SLC4A8: variants seen among roughly 807,000 people sequenced by gnomAD.
SLC4A8 encodes electroneutral sodium bicarbonate exchanger 1.
A neutral mutation model predicts 125.0 loss-of-function variants in SLC4A8; 40 were observed. The ratio of observed to expected loss-of-function variants is 0.32; its 90% CI spans 0.25 to 0.42. The LOEUF (loss-of-function observed/expected upper bound fraction) is 0.42. Ranked by LOEUF, SLC4A8 falls within the 10% of genes least tolerant of loss-of-function variation. SLC4A8 has a pLI of 1.00. For missense variants in SLC4A8, 863 were observed against 1,355.1 expected (o/e 0.64, Z 5.70); for synonymous variants, 456 against 476.0 (o/e 0.96, Z 0.55).
chr12:51,446,870 GC>G (rs1017165654), intron 2 of SLC4A8, among the ~76,000 whole-genome samples: 1 of 152,210 alleles, frequency 6.6e-6, no homozygotes, highest in Non-Finnish European at 1.5e-5. Flanking sequence ...GAAACACTGT[GC>G]TTGATTATGT....
rs533707496 is a variant in SLC4A8 at position 51,395,227 on chromosome 12, G to A, written c.-112+3739G>A. ...CCAGAAACCTTGGGTCCAAGGTCCC[G>A]TGCATATTCCTGACTGAAAGTTCCC... On this transcript the variant is annotated intron_variant, in intron 1 of 24. Transcript: ENST00000358657. 3.9e-5 allele frequency among the ~76,000 whole-genome samples: 6 copies of A among 152,260 alleles called. No individual in the cohort carries two copies. The East Asian group carries it at 7.7e-4, about 20-fold the overall frequency.
chr12:51,472,240 T>C (rs1008359079), intron 14 of SLC4A8, among the ~76,000 whole-genome samples: 1 of 152,212 alleles, frequency 6.6e-6, no homozygotes, highest in Non-Finnish European at 1.5e-5. Flanking sequence ...CCTCTTCCCT[T>C]AGCTCTGTAC....
At chr12:51,440,414 T>G (rs1264428167) in intron 1 of SLC4A8, among the ~76,000 whole-genome samples, 2 of 151,696 alleles carry the variant, frequency 1.3e-5, no homozygotes, top group African/African-American at 4.8e-5. Context: ...CTCTCTGTTT[T>G]TTTTTTTTTT....
intron 9 of SLC4A8, chr12:51,461,994 A>AAT (rs1555193704): frequency 5.6e-4 from 115 of 204,646 alleles, no homozygotes; most frequent in South Asian, 9.1e-4. Context: ...GCTGATTAAA[A>AAT]TTTTTTTTTT....
Position 51,440,799 on chromosome 12 carries a change from G to A in SLC4A8, c.130+10G>A. ...AAAGAAGAGCTGGAAGGTAAGAACT[G>A]CCATGCTGTGTGATCAGGGAAATTG... On this transcript the variant is annotated intron_variant, in intron 2 of 24. Coordinates refer to ENST00000453097, the MANE Select transcript of SLC4A8 (RefSeq NM_001039960.3). 1.2e-6 allele frequency: 2 copies of A among 1,601,206 alleles called. No individual in the cohort carries two copies. Among genetic ancestry groups the A allele is most frequent in the Non-Finnish European group, 1.7e-6 (2 of 1,174,974 alleles).
chr12:51,501,209 C>T (rs757178966), intron 22 of SLC4A8, among the ~76,000 whole-genome samples: 1 of 152,206 alleles, frequency 6.6e-6, no homozygotes, highest in African/African-American at 2.4e-5. Context: ...AGGTTTGTTA[C>T]ATGGGTGTAG....
At chr12:51,491,234 AT>A (rs914988826) in intron 19 of SLC4A8, among the ~76,000 whole-genome samples, 1 of 152,110 alleles carries the variant, frequency 6.6e-6, no homozygotes, top group African/African-American at 2.4e-5. Flanking sequence ...TAAAATATAA[AT>A]TTGGGTATAA....
At chr12:51,451,239 C>T (rs1436285631) in intron 3 of SLC4A8, among the ~76,000 whole-genome samples, 4 of 152,160 alleles carry the variant, frequency 2.6e-5, no homozygotes, top group Non-Finnish European at 2.9e-5. Context: ...CCCGCCACCA[C>T]GCCGGGCTAA....
rs1950656495 is a variant in SLC4A8 at position 51,470,373 on chromosome 12, T to C, written c.1525-19T>C. 6.2e-7 allele frequency: 1 copy of C among 1,613,184 alleles called. No homozygotes were observed. Among genetic ancestry groups the C allele is most frequent in the Non-Finnish European group, 8.5e-7 (1 of 1,179,214 alleles). On this transcript the variant is annotated intron_variant, in intron 12 of 24. Coordinates refer to ENST00000453097, the MANE Select transcript of SLC4A8 (RefSeq NM_001039960.3). ...TACTGATGGGCTATGGACTCAGTGATGACTTTTTTTCCTCTCAGAGTGCAA... is the reference window on the plus strand; with the variant it reads ...TACTGATGGGCTATGGACTCAGTGACGACTTTTTTTCCTCTCAGAGTGCAA...
intron 1 of SLC4A8, among the ~76,000 whole-genome samples, chr12:51,410,991 C>T (rs1359077482): frequency 6.7e-6 from 1 of 150,198 alleles, no homozygotes; most frequent in Non-Finnish European, 1.5e-5. Context: ...CATCCCACCT[C>T]AGCCTCCCAA....
chr12:51,463,971 A>T (rs757141433), intron 11 of SLC4A8, among the ~76,000 whole-genome samples: 13 of 152,070 alleles, frequency 8.5e-5, no homozygotes, highest in Admixed American at 2.6e-4. Flanking sequence ...TCTGATTTGA[A>T]CACTCTTCCC....
chr12:51,405,671 C>T (rs1948471791), intron 1 of SLC4A8, among the ~76,000 whole-genome samples: 2 of 152,258 alleles, frequency 1.3e-5, no homozygotes, highest in African/African-American at 4.8e-5. Flanking sequence ...GCTGGGATTA[C>T]AAGCGTGAGC....
intron 1 of SLC4A8, among the ~76,000 whole-genome samples, chr12:51,436,375 A>G (rs1949412798): frequency 6.6e-6 from 1 of 152,220 alleles, no homozygotes; most frequent in South Asian, 2.1e-4. Context: ...AATGTTACTT[A>G]GAATAATTTC....
At chr12:51,455,554 C>T (rs914263624) in intron 5 of SLC4A8, among the ~76,000 whole-genome samples, 2 of 152,156 alleles carry the variant, frequency 1.3e-5, no homozygotes, top group African/African-American at 4.8e-5. Context: ...GATTGTTCTT[C>T]CTGATGTGAT....
rs574533676 is a variant in SLC4A8 at position 51,471,215 on chromosome 12, A to G, written c.1659-72A>G. 5.3e-5 allele frequency: 77 copies of G among 1,442,710 alleles called. No individual in the cohort carries two copies. The African/African-American group carries it at 9.3e-4, about 17-fold the overall frequency. 89.4% of individuals were successfully genotyped at this position (1,442,710 alleles called of 1,614,324 possible). A position where few individuals can be genotyped will look rare whatever the true frequency, so the allele number is the denominator to read the frequency against. ...GTGCTTGTTTAGATGAAATGAATTA[A>G]CCACATTTCTGACTCCTTGTCTCTT... On this transcript the variant is annotated intron_variant, in intron 13 of 24. Transcript: ENST00000453097.
intron 16 of SLC4A8, among the ~76,000 whole-genome samples, chr12:51,482,217 T>C (rs143957268): frequency 6.6e-6 from 1 of 152,242 alleles, no homozygotes; most frequent in East Asian, 1.9e-4. Flanking sequence ...CAGAAAAGAA[T>C]ATAAAACGTT....
At chr12:51,442,669 T>C (rs934722664) in intron 2 of SLC4A8, among the ~76,000 whole-genome samples, 2 of 152,204 alleles carry the variant, frequency 1.3e-5, no homozygotes, top group Non-Finnish European at 2.9e-5. Flanking sequence ...TAGAATCTTA[T>C]TTATGTTAAC....
At chr12:51,400,555 C>T (rs138562885) in intron 1 of SLC4A8, among the ~76,000 whole-genome samples, 56 of 148,852 alleles carry the variant, frequency 3.8e-4, no homozygotes, top group African/African-American at 1.3e-3. Context: ...AACACACTCT[C>T]AGTTGCCCAT....
rs371116901 is a variant in SLC4A8, at chr12:51,503,991, C to G, written c.3082-38C>G. On this transcript the variant is annotated intron_variant, in intron 22 of 24. Coordinates refer to ENST00000453097, the MANE Select transcript of SLC4A8 (RefSeq NM_001039960.3). The stretch of plus-strand genomic sequence containing the variant: ...ATGGGCTGGTGAACTTATGGTCTTA[C>G]TTGGTCCAAGATATAATAATGTTTC... The G allele has an allele frequency of 1.9e-3, 2,319 of 1,204,466 alleles. 58 individuals carry two copies. The South Asian group carries it at 0.03, about 16-fold the overall frequency. 74.6% of individuals were successfully genotyped at this position (1,204,466 alleles called of 1,614,324 possible).
Sources: gnomAD v4.1 joint callset for allele counts (sites outside exome capture counted in the v4.1 genomes callset) on GRCh38, gnomAD v4.1.1 for gene constraint, MANE v1.5 for transcripts, NCBI Gene and HGNC (gene_info 2026-07-23, HGNC 2026-07-21) for gene names.